Variants in IGF2BP3 observed in about 807,000 individuals in gnomAD.
The protein encoded by IGF2BP3 is insulin-like growth factor 2 mRNA-binding protein 3.
A neutral mutation model predicts 73.8 loss-of-function variants in IGF2BP3; 9 were observed. That is an observed-to-expected ratio of 0.12 (90% CI 0.07 to 0.21). IGF2BP3 has a LOEUF of 0.21. IGF2BP3 is among the 10% of genes least tolerant of loss of function. The pLI is 1.00. For missense variants in IGF2BP3, 542 were observed against 714.0 expected, an observed-to-expected ratio of 0.76 and a Z score of 2.75; for synonymous variants, 258 against 256.7, an observed-to-expected ratio of 1.01 and a Z score of -0.05.
chr7:23,371,938 A>G (rs1785561194), intron 3 of IGF2BP3, among the ~76,000 whole-genome samples: 1 of 152,052 alleles, frequency 6.6e-6, no homozygotes, highest in African/African-American at 2.4e-5. Flanking sequence ...CAGTGGAAAA[A>G]CCGAATCCAG....
intron 10 of IGF2BP3, among the ~76,000 whole-genome samples, chr7:23,338,633 A>T (rs1784633142): frequency 1.3e-5 from 2 of 152,168 alleles, no homozygotes; most frequent in African/African-American, 4.8e-5. Flanking sequence ...CTAATCAAAC[A>T]GTTGTTGTTA....
chr7:23,411,600 AT>A (rs1439992788), intron 3 of IGF2BP3, among the ~76,000 whole-genome samples: 1 of 152,196 alleles, frequency 6.6e-6, no homozygotes, highest in East Asian at 1.9e-4. Context: ...AGTAAATAAA[AT>A]GCTTCTCAAA....
chr7:23,415,054 C>T (rs11767678), intron 3 of IGF2BP3: 4,106 of 205,686 alleles, frequency 0.02, 61 homozygotes, highest in Non-Finnish European at 0.029. Flanking sequence ...CAGCATCACC[C>T]CACCCGCAGG....
chr7:23,397,210 C>G (rs1481917158), intron 3 of IGF2BP3, among the ~76,000 whole-genome samples: 1 of 152,236 alleles, frequency 6.6e-6, no homozygotes, highest in Non-Finnish European at 1.5e-5. Context: ...GAGAAGCTGA[C>G]TTGGATAAGA....
At chr7:23,439,199 C>T (rs886993468) in intron 2 of IGF2BP3, among the ~76,000 whole-genome samples, 6 of 151,986 alleles carry the variant, frequency 3.9e-5, no homozygotes, top group Non-Finnish European at 7.4e-5. Flanking sequence ...GCTATGATAC[C>T]ACCATTGCAC....
intron 3 of IGF2BP3, among the ~76,000 whole-genome samples, chr7:23,412,002 T>TTC: frequency 6.7e-6 from 1 of 149,322 alleles, no homozygotes; most frequent in East Asian, 1.9e-4. Context: ...TTTTTTTTTT[T>TTC]TTTTCAGTAG....
chr7:23,468,192 A>G (rs983389405), intron 2 of IGF2BP3, among the ~76,000 whole-genome samples: 4 of 152,226 alleles, frequency 2.6e-5, no homozygotes, highest in Non-Finnish European at 4.4e-5. Context: ...CATTTCCCGT[A>G]GGAGCAATTT....
chr7:23,372,274 T>C (rs1161080262), intron 3 of IGF2BP3, among the ~76,000 whole-genome samples: 5 of 152,138 alleles, frequency 3.3e-5, no homozygotes, highest in African/African-American at 1.2e-4. Context: ...GGGGTTTCAC[T>C]ATGTTGGCCA....
rs117471796 is a variant in IGF2BP3, at chr7:23,359,456, G to A, written c.401+2078C>T. Among the ~76,000 whole-genome samples the A allele has an allele frequency of 7.2e-5, 11 of 152,194 alleles. No homozygotes were observed. The East Asian group carries it at 1.7e-3, about 24-fold the overall frequency. On this transcript the variant is annotated intron_variant, in intron 5 of 14. Transcript: ENST00000258729. ...TTTTCAAATAAGGCCACAACAACAG[G>A]TCTCTGACAATCTCCAAATATCCTT...
intron 2 of IGF2BP3, among the ~76,000 whole-genome samples, chr7:23,427,113 C>G (rs1482762784): frequency 6.6e-6 from 1 of 152,208 alleles, no homozygotes; most frequent in African/African-American, 2.4e-5. Context: ...AAGCACACAC[C>G]TTACACAAGG....
chr7:23,470,033 C>G lies in IGF2BP3; in HGVS notation c.78G>C (p.Lys26Asn), dbSNP rs1788678617. 6.2e-7 allele frequency: 1 copy of G among 1,612,436 alleles called. No individual in the cohort carries two copies. The highest frequency in any genetic ancestry group is 8.5e-7 in the Non-Finnish European group (1 of 1,179,674). Reference sequence around the variant, plus strand: ...CCAGGAAGGGTCCCGACACCGGGATCTTGGCGTCCTTGAAGATACTTTCTA... The same window carrying G: ...CCAGGAAGGGTCCCGACACCGGGATGTTGGCGTCCTTGAAGATACTTTCTA... ...SDLESIFKDA[K>N]IPVSGPFLVK... Residue 26 changes from lysine (K) to asparagine (N), a missense_variant, in exon 1 of 15, where the codon AAG becomes AAC. Coordinates refer to ENST00000258729, the MANE Select transcript of IGF2BP3 (RefSeq NM_006547.3).
intron 10 of IGF2BP3, among the ~76,000 whole-genome samples, chr7:23,341,799 TAAGA>T (rs1417011309): frequency 6.6e-6 from 1 of 151,714 alleles, no homozygotes; most frequent in Non-Finnish European, 1.5e-5. Context: ...TTTTTTTAAA[TAAGA>T]AAAACAATTA....
At position 23,469,868 on chromosome 7, in the gene IGF2BP3, C is replaced by T; in HGVS notation, c.175+68G>A. ...GCCGGGCCTGGGGCCCGCGGAGCCACCCGGTGGGCCTGGGCGGGCGGTGCA... is the reference window on the plus strand; with the variant it reads ...GCCGGGCCTGGGGCCCGCGGAGCCATCCGGTGGGCCTGGGCGGGCGGTGCA... On this transcript the variant is annotated intron_variant, in intron 1 of 14. Coordinates refer to ENST00000258729, the MANE Select transcript of IGF2BP3 (RefSeq NM_006547.3). The surrounding 1 kb of genome is among the most constrained non-coding windows in gnomAD (Gnocchi z 6.1). 1 of 1,178,232 alleles carries T rather than the reference C, an allele frequency of 8.5e-7. No homozygotes were observed. The highest frequency in any genetic ancestry group is 3.1e-5 in the South Asian group (1 of 32,708). 73.0% of individuals were successfully genotyped at this position (1,178,232 alleles called of 1,614,324 possible). A position where few individuals can be genotyped will look rare whatever the true frequency, so the allele number is the denominator to read the frequency against.
chr7:23,359,022 T>C (rs998202160), intron 5 of IGF2BP3, among the ~76,000 whole-genome samples: 1 of 152,220 alleles, frequency 6.6e-6, no homozygotes, highest in Non-Finnish European at 1.5e-5. Flanking sequence ...ACTACTTCCC[T>C]AATCAAAATG....
intron 10 of IGF2BP3, among the ~76,000 whole-genome samples, chr7:23,320,077 AT>A (rs554430509): frequency 2.2e-3 from 307 of 142,382 alleles, no homozygotes; most frequent in Middle Eastern, 7.4e-3. Context: ...CACCCGGCTA[AT>A]TTTTTTTTTT....
At chr7:23,402,726 G>C (rs966447545) in intron 3 of IGF2BP3, 5 of 152,146 alleles carry the variant, frequency 3.3e-5, no homozygotes, top group Non-Finnish European at 1.5e-5. Flanking sequence ...ATAAAAATCA[G>C]CTTGTCTTTT....
At chr7:23,449,811 G>C (rs1004835472) in intron 2 of IGF2BP3, among the ~76,000 whole-genome samples, 5 of 151,926 alleles carry the variant, frequency 3.3e-5, no homozygotes, top group African/African-American at 1.2e-4. Flanking sequence ...GATCCATGTG[G>C]CTACCTCAGC....
Position 23,371,733 on chromosome 7 carries a change from C to T in IGF2BP3, c.286-9992G>A, listed in dbSNP as rs752178385. Among the ~76,000 whole-genome samples, 12 of 152,182 alleles carry T rather than the reference C, an allele frequency of 7.9e-5. No homozygotes were observed. The South Asian group carries it at 1.4e-3, about 18-fold the overall frequency. On this transcript the variant is annotated intron_variant, in intron 3 of 14. Coordinates refer to ENST00000258729, the MANE Select transcript of IGF2BP3 (RefSeq NM_006547.3). ...GAAGCTCAGCCTCCATCATACCACACGGAGCAAAGCGTCCCAACTTTCTAG... is the reference window on the plus strand; with the variant it reads ...GAAGCTCAGCCTCCATCATACCACATGGAGCAAAGCGTCCCAACTTTCTAG...
chr7:23,457,588 T>C (rs1235152550), intron 2 of IGF2BP3, among the ~76,000 whole-genome samples: 1 of 152,254 alleles, frequency 6.6e-6, no homozygotes, highest in Non-Finnish European at 1.5e-5. Flanking sequence ...GAACAATGCA[T>C]CTGTTGGTTA....
Sources: gnomAD v4.1 joint callset for allele counts (sites outside exome capture counted in the v4.1 genomes callset) on GRCh38, gnomAD v4.1.1 for gene constraint, Gnocchi (gnomAD v3.1) non-coding constraint, MANE v1.5 for transcripts, NCBI Gene and HGNC (gene_info 2026-07-23, HGNC 2026-07-21) for gene names.